Variants in PSMA8 observed in about 807,000 individuals in gnomAD.
The protein encoded by PSMA8 is proteasome subunit alpha-type 8.
In PSMA8, 18 loss-of-function variants were observed where a neutral mutation model predicts 32.4. The ratio of observed to expected loss-of-function variants is 0.56; its 90% CI spans 0.38 to 0.82. The LOEUF is 0.82. Among genes scored for constraint, PSMA8 ranks in the 40% least tolerant of loss-of-function variants. The pLI, the probability that PSMA8 is intolerant of heterozygous loss-of-function variation, is 0.00. For missense variants in PSMA8, 298 were observed against 300.7 expected (o/e 0.99, Z 0.07); for synonymous variants, 104 against 98.1 (o/e 1.06, Z -0.36).
chr18:26,184,502 G>T, intron 6 of PSMA8, among the ~76,000 whole-genome samples: 1 of 150,218 alleles, frequency 6.7e-6, no homozygotes, highest in East Asian at 2.0e-4. Context: ...GCCGGGCGCG[G>T]TGGCTCACGC....
intron 6 of PSMA8, among the ~76,000 whole-genome samples, chr18:26,190,955 G>C (rs1304922385): frequency 6.6e-6 from 1 of 152,122 alleles, no homozygotes; most frequent in Non-Finnish European, 1.5e-5. Flanking sequence ...GTAATTGCTT[G>C]ATGGGTAAAT....
chr18:26,188,340 C>CAA (rs35512719), intron 6 of PSMA8, among the ~76,000 whole-genome samples: 419 of 143,636 alleles, frequency 2.9e-3, no homozygotes, highest in South Asian at 8.1e-3. Context: ...AAAAGGACAC[C>CAA]AAAAAAAAAA....
chr18:26,167,604 T>C (rs1240923116), intron 4 of PSMA8, among the ~76,000 whole-genome samples: 1 of 152,208 alleles, frequency 6.6e-6, no homozygotes, highest in African/African-American at 2.4e-5. Flanking sequence ...CCTAATTCCA[T>C]AGGATCGATG....
At chr18:26,173,241 C>T (rs1276974850) in intron 4 of PSMA8, among the ~76,000 whole-genome samples, 4 of 152,172 alleles carry the variant, frequency 2.6e-5, no homozygotes, top group Admixed American at 2.6e-4. Context: ...CCACACTGGC[C>T]TCTTTACTGT....
At chr18:26,143,791 TG>T (rs2054978916) in intron 1 of PSMA8, among the ~76,000 whole-genome samples, 1 of 152,142 alleles carries the variant, frequency 6.6e-6, no homozygotes, top group Admixed American at 6.5e-5. Context: ...GCGCAATCTC[TG>T]CTTACTGCAA....
rs1392590715 is a variant in PSMA8 at position 26,134,038 on chromosome 18, C to T, written c.73C>T (p.Gln25Ter). ...ACACCTTTTTCAAGTTGAATATGCC[C>T]AGGAAGCGGTGAAGAAAGGATCCAC... ...DGHLFQVEYA[Q>*]EAVKKGSTAV... Residue 25 changes from glutamine (Q) to a stop codon, truncating the protein, a stop_gained, in exon 1 of 7, where the codon CAG becomes TAG. Transcript: ENST00000415576. LOFTEE classifies it high-confidence loss of function. The T allele has an allele frequency of 6.2e-7, 1 of 1,613,888 alleles. No individual in the cohort carries two copies. Among genetic ancestry groups the T allele is most frequent in the Non-Finnish European group, 8.5e-7 (1 of 1,179,850 alleles).
intron 4 of PSMA8, among the ~76,000 whole-genome samples, chr18:26,159,014 A>G (rs529815310): frequency 2.6e-5 from 4 of 152,194 alleles, no homozygotes; most frequent in African/African-American, 9.6e-5. Flanking sequence ...CCCCGCAAAA[A>G]ACACTGCTAC....
intron 4 of PSMA8, among the ~76,000 whole-genome samples, chr18:26,159,038 C>T (rs1032949199): frequency 3.3e-5 from 5 of 152,096 alleles, no homozygotes; most frequent in African/African-American, 1.2e-4. Context: ...CCAGAGAAAC[C>T]TAGCTTCCAG....
chr18:26,157,992 G>C (rs2055103936), intron 3 of PSMA8, 130 bp from the exon 4 acceptor site: 1 of 644,372 alleles, frequency 1.6e-6, no homozygotes, highest in South Asian at 2.3e-5. Flanking sequence ...GAAAGGGTTA[G>C]GAAAAAGATC....
At position 26,184,067 on chromosome 18, in the gene PSMA8, A is replaced by G. The variant is rs184299150; in HGVS notation, c.660+4937A>G. Among the ~76,000 whole-genome samples the G allele has an allele frequency of 5.8e-4, 88 of 150,978 alleles. 6 individuals are homozygous for G. Among genetic ancestry groups the G allele is most frequent in the African/African-American group, 2.1e-3 (87 of 40,930 alleles). Reference sequence around the variant, plus strand: ...TAGACATAAGGCTATTGCACACTCAATAGACTACAGTATAGTGTAAACATA... The same window carrying G: ...TAGACATAAGGCTATTGCACACTCAGTAGACTACAGTATAGTGTAAACATA... On this transcript the variant is annotated intron_variant, in intron 6 of 6. Transcript: ENST00000415576.
chr18:26,187,007 G>A (rs16942187), intron 6 of PSMA8, among the ~76,000 whole-genome samples: 8,333 of 152,226 alleles, frequency 0.055, 674 homozygotes, highest in African/African-American at 0.18. Flanking sequence ...TAGAAAGGTA[G>A]AACTTAAAAC....
chr18:26,174,213 G>A (rs560441302), intron 4 of PSMA8, among the ~76,000 whole-genome samples: 7 of 152,110 alleles, frequency 4.6e-5, no homozygotes, highest in Non-Finnish European at 8.8e-5. Context: ...GACTATAATC[G>A]TATTTTACTG....
At chr18:26,177,081 G>C (rs1290615589) in intron 4 of PSMA8, among the ~76,000 whole-genome samples, 1 of 152,196 alleles carries the variant, frequency 6.6e-6, no homozygotes, top group Non-Finnish European at 1.5e-5. Flanking sequence ...AGTGTATCAA[G>C]TTAAAAGCTT....
chr18:26,177,543 T>C (rs1428284152), intron 4 of PSMA8, among the ~76,000 whole-genome samples: 1 of 152,190 alleles, frequency 6.6e-6, no homozygotes, highest in Non-Finnish European at 1.5e-5. Context: ...AAATTTAAAA[T>C]CTTATTACCA....
intron 1 of PSMA8, among the ~76,000 whole-genome samples, chr18:26,137,500 G>A (rs183685022): frequency 3.1e-4 from 47 of 152,276 alleles, no homozygotes; most frequent in Admixed American, 3.1e-3. Flanking sequence ...TGTGAAAGTT[G>A]AATGAGGTAA....
intron 6 of PSMA8, among the ~76,000 whole-genome samples, chr18:26,187,555 G>A (rs1292866060): frequency 1.3e-5 from 2 of 151,428 alleles, no homozygotes; most frequent in African/African-American, 2.4e-5. Flanking sequence ...CACCTATAAA[G>A]ACAAACATAG....
chr18:26,138,111 A>T (rs897046950), intron 1 of PSMA8, among the ~76,000 whole-genome samples: 1 of 152,226 alleles, frequency 6.6e-6, no homozygotes, highest in African/African-American at 2.4e-5. Flanking sequence ...GTAAGTGAGG[A>T]TATACTGAAT....
In PSMA8 at chr18:26,158,086, A is replaced by G. The variant is rs779168125; in HGVS notation, c.355-36A>G. The G allele has an allele frequency of 5.1e-5, 73 of 1,423,862 alleles. No individual in the cohort carries two copies. In the Admixed American group the frequency reaches 1.3e-3, roughly 24 times the overall value. 88.2% of individuals were successfully genotyped at this position (1,423,862 alleles called of 1,614,324 possible). A position where few individuals can be genotyped will look rare whatever the true frequency, so the allele number is the denominator to read the frequency against. On this transcript the variant is annotated intron_variant, in intron 3 of 6. Transcript: ENST00000415576. ...TATTAGAATTTTTATTTTGTAACTA[A>G]TAGTTTTATTCTAAAAATACGTTTT...
intron 6 of PSMA8, among the ~76,000 whole-genome samples, chr18:26,181,455 T>A (rs1032536435): frequency 6.6e-6 from 1 of 152,060 alleles, no homozygotes. Context: ...AATAACCCGA[T>A]AAGGGCCTCT....
Sources: allele counts gnomAD v4.1 joint callset (sites outside exome capture counted in the v4.1 genomes callset), GRCh38; gene constraint gnomAD v4.1.1; transcripts MANE v1.5; gene names NCBI Gene and HGNC (gene_info 2026-07-23, HGNC 2026-07-21).